The following BCL2L13 variants were observed in gnomAD, a reference collection of about 807,000 sequenced individuals.
BCL2L13 encodes BCL2 like 13.
Under a neutral mutation model 25.8 loss-of-function variants are expected in BCL2L13, and 13 were observed. That is an observed-to-expected ratio of 0.50 (90% CI 0.33 to 0.80). BCL2L13 has a LOEUF of 0.80. Among genes scored for constraint, BCL2L13 ranks in the 30% least tolerant of loss-of-function variants. The pLI is 0.02. For missense variants in BCL2L13, 504 were observed against 574.9 expected, an observed-to-expected ratio of 0.88 and a Z score of 1.26; for synonymous variants, 244 against 230.3, an observed-to-expected ratio of 1.06 and a Z score of -0.54.
intron 2 of BCL2L13, among the ~76,000 whole-genome samples, chr22:17,663,126 C>T (rs1041914600): frequency 2.0e-5 from 3 of 152,148 alleles, no homozygotes; most frequent in African/African-American, 7.2e-5. Context: ...CTGCCTTGGC[C>T]TTTCAAAGTG....
At chr22:17,674,814 G>A (rs775569661) in intron 2 of BCL2L13, among the ~76,000 whole-genome samples, 2 of 152,026 alleles carry the variant, frequency 1.3e-5, no homozygotes, top group Non-Finnish European at 2.9e-5. Flanking sequence ...GAAATTGGCA[G>A]TGAGTTCATA....
chr22:17,723,122 T>C (rs775447992), intron 6 of BCL2L13, among the ~76,000 whole-genome samples: 1 of 152,198 alleles, frequency 6.6e-6, no homozygotes, highest in Non-Finnish European at 1.5e-5. Context: ...ATGTCTTTGC[T>C]TACTTAGCTG....
intron 3 of BCL2L13, among the ~76,000 whole-genome samples, chr22:17,684,014 C>G (rs1047321622): frequency 6.6e-6 from 1 of 151,972 alleles, no homozygotes; most frequent in Non-Finnish European, 1.5e-5. Flanking sequence ...GATTATTATT[C>G]CTTTTTTCAC....
At chr22:17,661,917 G>A (rs1473504787) in intron 2 of BCL2L13, among the ~76,000 whole-genome samples, 4 of 151,602 alleles carry the variant, frequency 2.6e-5, no homozygotes. Context: ...CTTGAACCCG[G>A]GAGGTGGAGG....
At chr22:17,672,352 A>C (rs997131072) in intron 2 of BCL2L13, among the ~76,000 whole-genome samples, 1 of 152,222 alleles carries the variant, frequency 6.6e-6, no homozygotes, top group African/African-American at 2.4e-5. Flanking sequence ...GCTCTAGTCC[A>C]TTCAACTTGG....
At chr22:17,631,701 TATA>T (rs2146340433) in intron 1 of BCL2L13, among the ~76,000 whole-genome samples, 2 of 33,482 alleles carry the variant, frequency 6.0e-5, no homozygotes, top group Non-Finnish European at 6.9e-5. Context: ...TATATATATA[TATA>T]TATTTTTTTT....
intron 6 of BCL2L13, among the ~76,000 whole-genome samples, chr22:17,723,672 C>G (rs1044433513): frequency 6.6e-6 from 1 of 152,164 alleles, no homozygotes; most frequent in African/African-American, 2.4e-5. Flanking sequence ...CGGTGTCTCA[C>G]GCCTGTAATC....
chr22:17,709,077 A>G (rs941876519), intron 6 of BCL2L13, among the ~76,000 whole-genome samples: 3 of 152,024 alleles, frequency 2.0e-5, no homozygotes, highest in Non-Finnish European at 4.4e-5. Context: ...CTACTAAAAA[A>G]TACAAAAAAT....
At position 17,683,196 on chromosome 22, in the gene BCL2L13, C is replaced by A; in HGVS notation, c.122-18C>A. 7.3e-7 allele frequency: 1 copy of A among 1,365,930 alleles called. No individual in the cohort carries two copies. Among genetic ancestry groups the A allele is most frequent in the Non-Finnish European group, 1.0e-6 (1 of 970,774 alleles). 84.6% of individuals were successfully genotyped at this position (1,365,930 alleles called of 1,614,324 possible). On this transcript the variant is annotated intron_variant, in intron 2 of 6. Transcript: ENST00000317582. ...TCTCTCTCCCTCTTTCAATAATAAC[C>A]TTTTTTGTTGCTTTCAGGGGTTCAA...
intron 1 of BCL2L13, among the ~76,000 whole-genome samples, chr22:17,649,585 C>G (rs2058608410): frequency 6.6e-6 from 1 of 151,986 alleles, no homozygotes; most frequent in Admixed American, 6.6e-5. Context: ...TCACTGCAAC[C>G]TCTGCCTCCC....
intron 1 of BCL2L13, among the ~76,000 whole-genome samples, chr22:17,641,189 C>G (rs931851028): frequency 5.3e-5 from 8 of 151,958 alleles, no homozygotes; most frequent in African/African-American, 1.9e-4. Flanking sequence ...TGCGCCCGGC[C>G]TAAATAGATA....
intron 6 of BCL2L13, among the ~76,000 whole-genome samples, chr22:17,704,394 A>G (rs116637083): frequency 1.4e-3 from 209 of 152,170 alleles, no homozygotes; most frequent in African/African-American, 4.9e-3. Flanking sequence ...CTTCATTAAT[A>G]TTTCAAATGT....
At chr22:17,721,344 T>C (rs1252095383) in intron 6 of BCL2L13, among the ~76,000 whole-genome samples, 1 of 152,118 alleles carries the variant, frequency 6.6e-6, no homozygotes, top group Non-Finnish European at 1.5e-5. Flanking sequence ...CTGTTCATAT[T>C]TACATTCTTT....
At chr22:17,679,082 G>A (rs1568962688) in intron 2 of BCL2L13, among the ~76,000 whole-genome samples, 2 of 152,066 alleles carry the variant, frequency 1.3e-5, no homozygotes, top group South Asian at 2.1e-4. Context: ...CATCCTCTGG[G>A]TGTTCAGGTA....
chr22:17,727,001 C>A lies in BCL2L13; in HGVS notation c.925C>A (p.His309Asn). The A allele has an allele frequency of 6.2e-7, 1 of 1,614,158 alleles. No homozygotes were observed. Among genetic ancestry groups the A allele is most frequent in the Non-Finnish European group, 8.5e-7 (1 of 1,180,034 alleles). The change falls in exon 7 of 7, where the codon CAC (histidine) becomes AAC (asparagine). Residue 309 changes from histidine to asparagine, a missense_variant. Transcript: ENST00000317582. ...CAACTCCTCTAATTCTGACATTGTG[C>A]ACGTGGAGAAAGAAGAGGTGCCCGA... ...ENNSSNSDIV[H>N]VEKEEVPEGM... is the part of the protein sequence containing the mutation.
intron 1 of BCL2L13, among the ~76,000 whole-genome samples, chr22:17,640,900 T>A (rs545924885): frequency 7.4e-4 from 97 of 131,152 alleles, no homozygotes; most frequent in Middle Eastern, 3.9e-3. Flanking sequence ...ATATATATAT[T>A]TTTTTTTTGA....
chr22:17,706,690 G>T (rs991172205), intron 6 of BCL2L13: 35 of 1,348,802 alleles, frequency 2.6e-5, no homozygotes, highest in Non-Finnish European at 3.3e-5. Flanking sequence ...TGAGGGCACA[G>T]ACTGGTTCAT....
chr22:17,677,777 CA>C (rs1286881968), intron 2 of BCL2L13, among the ~76,000 whole-genome samples: 2 of 151,632 alleles, frequency 1.3e-5, no homozygotes, highest in Non-Finnish European at 1.5e-5. Flanking sequence ...GAGGCTGAGG[CA>C]GGAGAATCAC....
chr22:17,667,124 C>T (rs2059256093), intron 2 of BCL2L13, among the ~76,000 whole-genome samples: 1 of 152,142 alleles, frequency 6.6e-6, no homozygotes, highest in Non-Finnish European at 1.5e-5. Flanking sequence ...CTTTGATATA[C>T]TGATTCCTTT....
Sources: allele counts gnomAD v4.1 joint callset (sites outside exome capture counted in the v4.1 genomes callset), GRCh38; gene constraint gnomAD v4.1.1; transcripts MANE v1.5; gene names NCBI Gene and HGNC (gene_info 2026-07-23, HGNC 2026-07-21).